Variants in ABL2 observed in about 807,000 individuals in gnomAD.
ABL2 encodes tyrosine-protein kinase ABL2.
Under a neutral mutation model 107.7 loss-of-function variants are expected in ABL2, and 49 were observed. The observed-to-expected ratio is 0.45, with a 90% CI of 0.36 to 0.58. The LOEUF is 0.58. ABL2 is among the 20% of genes least tolerant of loss of function. ABL2 has a pLI of 0.00. For missense variants in ABL2, 1,245 were observed against 1,457.0 expected (o/e 0.85, Z 2.37); for synonymous variants, 549 against 548.6 (o/e 1.00, Z -0.01).
intron 1 of ABL2, among the ~76,000 whole-genome samples, chr1:179,195,004 G>A (rs1486634151): frequency 6.6e-6 from 1 of 152,040 alleles, no homozygotes; most frequent in African/African-American, 2.4e-5. Flanking sequence ...ACGACAATGA[G>A]AGGCCAGGCA....
At chr1:179,141,506 T>C (rs76460460) in intron 1 of ABL2, among the ~76,000 whole-genome samples, 2,283 of 152,264 alleles carry the variant, frequency 0.015, 69 homozygotes, top group African/African-American at 0.051. Flanking sequence ...TTAGAAGATA[T>C]ATGCAGGCCA....
chr1:179,229,193 A>G, intron 1 of ABL2, 48 bp downstream of exon 1: 5 of 307,256 alleles, frequency 1.6e-5, no homozygotes, highest in Non-Finnish European at 2.2e-5. Flanking sequence ...CCCCGACCCC[A>G]CCCCCGGCCT....
At chr1:179,135,621 G>A (rs1370700905) in intron 1 of ABL2, among the ~76,000 whole-genome samples, 7 of 151,126 alleles carry the variant, frequency 4.6e-5, no homozygotes, top group Admixed American at 1.3e-4. Context: ...CCCCCCACCC[G>A]GCCAGCCGCC....
Position 179,101,992 on chromosome 1 carries a change from A to ATTTTTT in ABL2, c.*5725_*5726insAAAAAA, listed in dbSNP as rs1557895974. 2.0e-5 allele frequency: 2 copies of ATTTTTT among 100,298 alleles called. No individual in the cohort carries two copies. The highest frequency in any genetic ancestry group is 8.1e-5 in the African/African-American group (2 of 24,714). The allele number at this position is 100,298 out of a possible 1,614,324, so 6.2% of individuals were successfully genotyped here. On this transcript the variant is annotated 3_prime_UTR_variant, in exon 12 of 12. Coordinates refer to ENST00000502732, the MANE Select transcript of ABL2 (RefSeq NM_007314.4). Reference sequence around the variant, plus strand: ...AAAAAAAAGCAAGCTTTGCATTAGAATTTCTTTTTTTTTTTTTTTTTTTTT... The same window carrying ATTTTTT: ...AAAAAAAAGCAAGCTTTGCATTAGAATTTTTTTTTCTTTTTTTTTTTTTTTTTTTTT...
intron 1 of ABL2, among the ~76,000 whole-genome samples, chr1:179,140,643 T>A (rs1441698861): frequency 1.3e-5 from 2 of 152,178 alleles, no homozygotes; most frequent in African/African-American, 4.8e-5. Flanking sequence ...TATGTATACA[T>A]CCTTACTCAC....
At chr1:179,207,265 A>C (rs1302253525) in intron 1 of ABL2, among the ~76,000 whole-genome samples, 1 of 150,646 alleles carries the variant, frequency 6.6e-6, no homozygotes, top group Non-Finnish European at 1.5e-5. Flanking sequence ...TTTGTGAGGG[A>C]GGAAAGAAAG....
At chr1:179,128,047 GCACATGGC>G (rs1194954206) in intron 3 of ABL2, among the ~76,000 whole-genome samples, 2 of 129,210 alleles carry the variant, frequency 1.5e-5, no homozygotes, top group East Asian at 4.6e-4. Flanking sequence ...AAAAAAAAAA[GCACATGGC>G]CAGAAGTATC....
At chr1:179,192,995 T>G (rs1661101249) in intron 1 of ABL2, among the ~76,000 whole-genome samples, 1 of 152,210 alleles carries the variant, frequency 6.6e-6, no homozygotes, top group Non-Finnish European at 1.5e-5. Context: ...TGAATTATCT[T>G]CTGCGTTGTT....
At position 179,105,312 on chromosome 1, in the gene ABL2, TAAAAAAC is replaced by T. The variant is rs1653397571; in HGVS notation, c.*2399_*2405del. 1.7e-5 allele frequency: 4 copies of T among 230,768 alleles called. No individual in the cohort carries two copies. The highest frequency in any genetic ancestry group is 3.6e-4 in the South Asian group (2 of 5,494). The allele number at this position is 230,768 out of a possible 1,614,324, so 14.3% of individuals were successfully genotyped here. On this transcript the variant is annotated 3_prime_UTR_variant, in exon 12 of 12. Coordinates refer to ENST00000502732, the MANE Select transcript of ABL2 (RefSeq NM_007314.4). ...CTCAAGGGAAAATAGAGCCCTTGCT[TAAAAAAC>T]AAAAAACAAAAAAACCCTGAAAAAC...
chr1:179,110,906 A>G (rs1299258663), intron 10 of ABL2: 6 of 1,607,886 alleles, frequency 3.7e-6, no homozygotes, highest in African/African-American at 2.7e-5. Flanking sequence ...CCTGTCCCCA[A>G]ATAGCGATAC....
intron 1 of ABL2, among the ~76,000 whole-genome samples, chr1:179,225,150 C>T (rs1007272107): frequency 1.3e-5 from 2 of 152,126 alleles, no homozygotes; most frequent in African/African-American, 4.8e-5. Context: ...ATTACATTCA[C>T]AAAAATCACT....
At chr1:179,165,608 G>A (rs1659330357) in intron 1 of ABL2, among the ~76,000 whole-genome samples, 1 of 152,062 alleles carries the variant, frequency 6.6e-6, no homozygotes, top group South Asian at 2.1e-4. Flanking sequence ...GCATTGAGAA[G>A]CCATTAACAT....
intron 4 of ABL2, among the ~76,000 whole-genome samples, chr1:179,123,233 C>G (rs1172270225): frequency 6.6e-6 from 1 of 152,132 alleles, no homozygotes. Context: ...TGGCCAGGAG[C>G]AGTGGCTCAC....
intron 8 of ABL2, 122 bp downstream of exon 8, chr1:179,117,210 C>G (rs919914260): frequency 3.0e-6 from 3 of 1,011,982 alleles, no homozygotes; most frequent in Non-Finnish European, 4.5e-6. Context: ...TGCTGAATAA[C>G]TGAAGAAGAA....
intron 1 of ABL2, among the ~76,000 whole-genome samples, chr1:179,226,947 T>G (rs1663251303): frequency 6.6e-6 from 1 of 152,170 alleles, no homozygotes; most frequent in Non-Finnish European, 1.5e-5. Context: ...CACAGCAACA[T>G]TCCCACAATC....
chr1:179,176,392 T>C lies in ABL2; in HGVS notation c.158-43018A>G, dbSNP rs532975427. Among the ~76,000 whole-genome samples the C allele has an allele frequency of 2.1e-4, 32 of 152,248 alleles. 2 individuals carry two copies. The highest frequency in any genetic ancestry group is 2.0e-3 in the Admixed American group (31 of 15,272). ...AATGCTTGAGGTGATAGATACCCCA[T>C]TTTCCCAATGTTTAACAGGATACTC... On this transcript the variant is annotated intron_variant, in intron 1 of 11. Coordinates refer to ENST00000502732, the MANE Select transcript of ABL2 (RefSeq NM_007314.4).
chr1:179,158,378 A>G (rs1360854967), intron 1 of ABL2, among the ~76,000 whole-genome samples: 1 of 152,198 alleles, frequency 6.6e-6, no homozygotes, highest in African/African-American at 2.4e-5. Context: ...TAACTCTGCT[A>G]AAAATATTAT....
intron 1 of ABL2, among the ~76,000 whole-genome samples, chr1:179,164,576 T>C (rs905927992): frequency 6.6e-6 from 1 of 152,330 alleles, no homozygotes; most frequent in East Asian, 1.9e-4. Flanking sequence ...CTTTCCCTAA[T>C]AGAATTCCCA....
chr1:179,127,761 G>A (rs1358857824), intron 3 of ABL2, among the ~76,000 whole-genome samples: 2 of 152,008 alleles, frequency 1.3e-5, no homozygotes, highest in African/African-American at 4.8e-5. Flanking sequence ...GCTGAGCGTG[G>A]TGTCTCATGC....
Sources: gnomAD v4.1 joint callset for allele counts (sites outside exome capture counted in the v4.1 genomes callset) on GRCh38, gnomAD v4.1.1 for gene constraint, MANE v1.5 for transcripts, NCBI Gene and HGNC (gene_info 2026-07-23, HGNC 2026-07-21) for gene names.